The following PDE7B variants were observed in gnomAD, a reference collection of about 807,000 sequenced individuals.
PDE7B encodes the protein phosphodiesterase 7B, also known as 3',5'-cyclic-AMP phosphodiesterase 7B.
A neutral mutation model predicts 56.2 loss-of-function variants in PDE7B; 29 were observed. The ratio of observed to expected loss-of-function variants is 0.52; its 90% CI spans 0.38 to 0.70. PDE7B has a LOEUF of 0.70. Among genes scored for constraint, PDE7B ranks in the 30% least tolerant of loss-of-function variants. PDE7B has a pLI of 0.00. For synonymous variants in PDE7B, 197 were observed against 196.9 expected (o/e 1.00, Z 0.00); for missense variants, 490 against 565.0 (o/e 0.87, Z 1.35).
At chr6:135,951,754 G>T (rs1365426362) in intron 2 of PDE7B, among the ~76,000 whole-genome samples, 1 of 151,614 alleles carries the variant, frequency 6.6e-6, no homozygotes, top group Non-Finnish European at 1.5e-5. Context: ...ATTTTCATTG[G>T]CCCTGTTTTT....
At chr6:136,070,887 A>G (rs1777038973) in intron 2 of PDE7B, among the ~76,000 whole-genome samples, 1 of 152,210 alleles carries the variant, frequency 6.6e-6, no homozygotes, top group Admixed American at 6.5e-5. Context: ...TCTTGTCCAA[A>G]TGAACAATTG....
At chr6:135,964,523 G>T (rs1382809880) in intron 2 of PDE7B, among the ~76,000 whole-genome samples, 1 of 152,176 alleles carries the variant, frequency 6.6e-6, no homozygotes, top group African/African-American at 2.4e-5. Flanking sequence ...GCAGTGTCAA[G>T]TAACAGTCAT....
Position 136,149,012 on chromosome 6 carries a change from C to G in PDE7B, c.319-75C>G, listed in dbSNP as rs186874444. The G allele has an allele frequency of 7.9e-6, 8 of 1,014,824 alleles. No individual in the cohort carries two copies. The East Asian group carries it at 1.7e-4, about 21-fold the overall frequency. The allele number at this position is 1,014,824 out of a possible 1,614,324, so 62.9% of individuals were successfully genotyped here. A position where few individuals can be genotyped will look rare whatever the true frequency, so the allele number is the denominator to read the frequency against. On this transcript the variant is annotated intron_variant, in intron 4 of 12. Transcript: ENST00000308191. The stretch of plus-strand genomic sequence containing the variant: ...ATTTTCAACTTTTTAATTGTTTAAT[C>G]CACTATATCCCAAAGTAAATGTTTG...
chr6:135,950,454 TGTA>T (rs1774679493), intron 2 of PDE7B, among the ~76,000 whole-genome samples: 1 of 152,192 alleles, frequency 6.6e-6, no homozygotes. Context: ...CAACCATAAA[TGTA>T]GTTTTTATTT....
At chr6:136,014,477 C>G (rs1230849369) in intron 2 of PDE7B, among the ~76,000 whole-genome samples, 1 of 152,126 alleles carries the variant, frequency 6.6e-6, no homozygotes, top group East Asian at 1.9e-4. Context: ...TTTTGTAGAA[C>G]TATTAACATA....
At chr6:135,935,190 T>TTTTATATATATATATATATATATATA (rs1436649469) in intron 1 of PDE7B, among the ~76,000 whole-genome samples, 15 of 36,186 alleles carry the variant, frequency 4.1e-4, no homozygotes, top group African/African-American at 1.2e-3. Context: ...ATATATTTAT[T>TTTTATATATATATATATATATATATA]TATATATATA....
At chr6:135,895,123 GATGAA>G (rs1012639790) in intron 1 of PDE7B, among the ~76,000 whole-genome samples, 37 of 151,602 alleles carry the variant, frequency 2.4e-4, no homozygotes, top group African/African-American at 8.2e-4. Flanking sequence ...ATAATCATGT[GATGAA>G]ATAAAAAAAA....
In PDE7B at chr6:135,867,376, C is replaced by G. The variant is rs1775281248; in HGVS notation, c.21+15357C>G. Among the ~76,000 whole-genome samples, 3 of 151,988 alleles carry G rather than the reference C, an allele frequency of 2.0e-5. No individual in the cohort carries two copies. The South Asian group carries it at 6.2e-4, about 32-fold the overall frequency. On this transcript the variant is annotated intron_variant, in intron 1 of 12. Coordinates refer to ENST00000308191, the MANE Select transcript of PDE7B (RefSeq NM_018945.4). Reference sequence around the variant, plus strand: ...AATAATATATGTTACTAAATGTATGCTAAAACATTAAATTGAAAACATGTT... The same window carrying G: ...AATAATATATGTTACTAAATGTATGGTAAAACATTAAATTGAAAACATGTT...
chr6:135,857,809 T>G (rs1775064665), intron 1 of PDE7B, among the ~76,000 whole-genome samples: 1 of 152,162 alleles, frequency 6.6e-6, no homozygotes, highest in Admixed American at 6.5e-5. Context: ...GAATAATTTT[T>G]CAGATGTATT....
At chr6:136,104,171 G>T (rs1777608400) in intron 2 of PDE7B, among the ~76,000 whole-genome samples, 2 of 148,972 alleles carry the variant, frequency 1.3e-5, no homozygotes, top group Admixed American at 1.3e-4. Context: ...TTGTCAGCCT[G>T]AAGGGGCAAA....
intron 2 of PDE7B, among the ~76,000 whole-genome samples, chr6:135,954,927 T>G (rs1774762583): frequency 6.6e-6 from 1 of 152,076 alleles, no homozygotes; most frequent in Non-Finnish European, 1.5e-5. Flanking sequence ...AGGGCTCAGA[T>G]GAGAGCTACC....
At chr6:136,033,664 T>C (rs1181340030) in intron 2 of PDE7B, among the ~76,000 whole-genome samples, 1 of 152,206 alleles carries the variant, frequency 6.6e-6, no homozygotes, top group East Asian at 1.9e-4. Flanking sequence ...TGCTGCCTTG[T>C]AGGGTCGGTC....
chr6:136,181,169 G>A (rs2277097), intron 10 of PDE7B, 58 bp from the exon 11 acceptor site: 26,947 of 1,246,318 alleles, frequency 0.022, 2,258 homozygotes, highest in Admixed American at 0.2. Context: ...GGCTTGGGGT[G>A]CTTTTGCAAC....
At chr6:136,086,114 A>G (rs1777287940) in intron 2 of PDE7B, among the ~76,000 whole-genome samples, 1 of 152,160 alleles carries the variant, frequency 6.6e-6, no homozygotes, top group Non-Finnish European at 1.5e-5. Context: ...GTTCCCACCA[A>G]AATGCCTCTT....
chr6:136,039,184 G>A (rs1371425282), intron 2 of PDE7B, among the ~76,000 whole-genome samples: 4 of 152,128 alleles, frequency 2.6e-5, no homozygotes, highest in South Asian at 2.1e-4. Context: ...TGTTTGGGAC[G>A]GTTGTGGAGA....
intron 2 of PDE7B, among the ~76,000 whole-genome samples, chr6:136,092,821 C>T (rs1309871539): frequency 6.6e-6 from 1 of 152,104 alleles, no homozygotes; most frequent in African/African-American, 2.4e-5. Context: ...TCAAGGGGTA[C>T]AAAGTCTCAG....
intron 2 of PDE7B, among the ~76,000 whole-genome samples, chr6:135,994,770 C>T (rs1562463332): frequency 6.6e-6 from 1 of 152,136 alleles, no homozygotes; most frequent in Non-Finnish European, 1.5e-5. Context: ...ATAATAACTA[C>T]AAATACGTAT....
chr6:136,025,434 A>C (rs910297226), intron 2 of PDE7B, among the ~76,000 whole-genome samples: 1 of 152,200 alleles, frequency 6.6e-6, no homozygotes, highest in Non-Finnish European at 1.5e-5. Context: ...CTACTATTAG[A>C]TACTTATTCA....
chr6:135,939,564 C>T (rs1774475366), intron 1 of PDE7B, among the ~76,000 whole-genome samples: 1 of 152,196 alleles, frequency 6.6e-6, no homozygotes, highest in South Asian at 2.1e-4. Context: ...GTGCTGAGGG[C>T]TGCCACAGTG....
Sources: gnomAD v4.1 joint callset for allele counts (sites outside exome capture counted in the v4.1 genomes callset) on GRCh38, gnomAD v4.1.1 for gene constraint, MANE v1.5 for transcripts, NCBI Gene and HGNC (gene_info 2026-07-23, HGNC 2026-07-21) for gene names.